The following LCA5 variants were observed in gnomAD, a reference collection of about 807,000 sequenced individuals.
LCA5 encodes lebercilin.
LCA5 carries 37 observed loss-of-function variants against 53.0 expected under a neutral mutation model. The observed-to-expected ratio is 0.70, with a 90% CI of 0.54 to 0.92. The LOEUF (loss-of-function observed/expected upper bound fraction) is 0.92. Among genes scored for constraint, LCA5 ranks in the 40% least tolerant of loss-of-function variants. The pLI, the probability that LCA5 is intolerant of heterozygous loss-of-function variation, is 0.00. For missense variants in LCA5, 806 were observed against 790.5 expected (o/e 1.02, Z -0.23); for synonymous variants, 303 against 282.9 (o/e 1.07, Z -0.71).
intron 2 of LCA5, among the ~76,000 whole-genome samples, chr6:79,517,272 CTGT>C (rs1019944813): frequency 6.6e-6 from 1 of 152,046 alleles, no homozygotes; most frequent in African/African-American, 2.4e-5. Flanking sequence ...GATGCTGGAA[CTGT>C]TTTTCACAGC....
At chr6:79,498,693 A>T (rs1008636687) in intron 3 of LCA5, among the ~76,000 whole-genome samples, 6 of 152,216 alleles carry the variant, frequency 3.9e-5, no homozygotes, top group Admixed American at 2.0e-4. Flanking sequence ...AAAAAATACT[A>T]TTAAAATATT....
intron 3 of LCA5, among the ~76,000 whole-genome samples, chr6:79,506,701 C>G (rs1386043212): frequency 6.6e-6 from 1 of 152,100 alleles, no homozygotes; most frequent in African/African-American, 2.4e-5. Flanking sequence ...ATGTGAAAAC[C>G]CTTAAAGGTC....
chr6:79,493,780 CT>C, intron 3 of LCA5, 30 bp from the exon 4 acceptor site: 1 of 1,571,138 alleles, frequency 6.4e-7, no homozygotes, highest in Non-Finnish European at 8.7e-7. Flanking sequence ...AAAAGCAGTC[CT>C]TTAAAAAAAT....
At chr6:79,532,337 C>T (rs933739822) in intron 1 of LCA5, among the ~76,000 whole-genome samples, 1 of 152,138 alleles carries the variant, frequency 6.6e-6, no homozygotes, top group Non-Finnish European at 1.5e-5. Flanking sequence ...CCTTGCTTCA[C>T]GTCAGTTTTT....
chr6:79,492,624 T>C lies in LCA5; in HGVS notation c.882A>G (p.Ile294Met). The change falls in exon 5 of 8, where the codon ATA (isoleucine) becomes ATG (methionine). Residue 294 changes from isoleucine (I) to methionine (M), a missense_variant. Coordinates refer to ENST00000369846, the MANE Select transcript of LCA5 (RefSeq NM_001122769.3). ...KLKEKERELD[I>M]KNIYSNRLPK... Reference sequence around the variant, plus strand: ...GCAGACGATTAGAATATATATTTTTTATATCCAGTTCTCTCTCCTTTTCCT... The same window carrying C: ...GCAGACGATTAGAATATATATTTTTCATATCCAGTTCTCTCTCCTTTTCCT... 2 of 1,548,672 alleles carry C rather than the reference T, an allele frequency of 1.3e-6. 1 individual carries two copies. The highest frequency in any genetic ancestry group is 2.3e-5 in the South Asian group (2 of 86,702).
At chr6:79,510,487 TAGA>T (rs1212950981) in intron 3 of LCA5, among the ~76,000 whole-genome samples, 1 of 151,970 alleles carries the variant, frequency 6.6e-6, no homozygotes, top group Non-Finnish European at 1.5e-5. Context: ...GATGAAAAAA[TAGA>T]AGAAAGTCTT....
Position 79,513,602 on chromosome 6 carries a change from T to C in LCA5, c.330A>G (p.Leu110=). 6.2e-7 allele frequency: 1 copy of C among 1,613,950 alleles called. No individual in the cohort carries two copies. The highest frequency in any genetic ancestry group is 8.5e-7 in the Non-Finnish European group (1 of 1,179,878). Residue 110 remains leucine (L), a synonymous_variant, in exon 3 of 8, where the codon CTA becomes CTG. Coordinates refer to ENST00000369846, the MANE Select transcript of LCA5 (RefSeq NM_001122769.3). ...VTKRILSARL[L]KINELQNEVS... is the part of the protein sequence containing the mutation. ...CTTCATTCTGCAACTCATTGATTTTTAGCAGTCTTGCAGACAGAATCCGTT... is the reference window on the plus strand; with the variant it reads ...CTTCATTCTGCAACTCATTGATTTTCAGCAGTCTTGCAGACAGAATCCGTT...
rs1312692453 is a variant in LCA5 at position 79,487,135 on chromosome 6, C to A, written c.1963G>T (p.Glu655Ter). ...CTTCCTTCACTGAGGAAAAAGCCTT[C>A]ATCTTCATCATGTTCTTGATCTCTG... ...GSRDQEHDED[E>*]GFFLSEGRSF... Residue 655 changes from glutamate to a stop codon, truncating the protein, a stop_gained, in exon 8 of 8, where the codon GAA becomes TAA. Transcript: ENST00000369846. LOFTEE classifies it high-confidence loss of function. 6.2e-7 allele frequency: 1 copy of A among 1,613,792 alleles called. No homozygotes were observed. Among genetic ancestry groups the A allele is most frequent in the Non-Finnish European group, 8.5e-7 (1 of 1,179,896 alleles).
At chr6:79,536,069 A>G (rs1767107968) in intron 1 of LCA5, among the ~76,000 whole-genome samples, 1 of 152,254 alleles carries the variant, frequency 6.6e-6, no homozygotes, top group Admixed American at 6.5e-5. Flanking sequence ...TTTGATATTT[A>G]AAATGATACT....
chr6:79,530,161 A>T (rs1414575637), intron 1 of LCA5, among the ~76,000 whole-genome samples: 1 of 152,124 alleles, frequency 6.6e-6, no homozygotes, highest in Non-Finnish European at 1.5e-5. Flanking sequence ...TTTCTAACCC[A>T]GGTTTTGAGG....
Position 79,492,661 on chromosome 6 carries a change from C to T in LCA5, c.859-14G>A, listed in dbSNP as rs747055909. ...TCTCTCCTTTTCCTGAAAACAAACG[C>T]AATACAATTAAGGAAGTAGAGCCTC... On this transcript the variant is annotated splice_polypyrimidine_tract_variant and intron_variant, in intron 4 of 7. Coordinates refer to ENST00000369846, the MANE Select transcript of LCA5 (RefSeq NM_001122769.3). The T allele has an allele frequency of 1.5e-5, 20 of 1,325,074 alleles. No homozygotes were observed. The highest frequency in any genetic ancestry group is 1.8e-4 in the Middle Eastern group (1 of 5,504). The allele number at this position is 1,325,074 out of a possible 1,614,324, so 82.1% of individuals were successfully genotyped here.
At chr6:79,503,180 C>A (rs1000207512) in intron 3 of LCA5, among the ~76,000 whole-genome samples, 3 of 152,204 alleles carry the variant, frequency 2.0e-5, no homozygotes, top group Admixed American at 6.5e-5. Context: ...CTGCACCCGG[C>A]CATGACCTAT....
intron 3 of LCA5, among the ~76,000 whole-genome samples, chr6:79,495,579 G>A (rs947435149): frequency 1.3e-5 from 2 of 151,932 alleles, no homozygotes; most frequent in African/African-American, 2.4e-5. Flanking sequence ...GTGAAATCCC[G>A]TCTCTACTAA....
intron 7 of LCA5, chr6:79,488,486 C>T (rs1769738273): frequency 6.5e-6 from 1 of 153,514 alleles, no homozygotes; most frequent in African/African-American, 2.4e-5. Flanking sequence ...GATCTTGTAC[C>T]AGAGGGAAGA....
chr6:79,528,925 A>T (rs1346069989), intron 1 of LCA5, among the ~76,000 whole-genome samples: 1 of 152,206 alleles, frequency 6.6e-6, no homozygotes, highest in Non-Finnish European at 1.5e-5. Flanking sequence ...AACCATCATG[A>T]AAACTTTACA....
rs779230735 is a variant in LCA5 at position 79,513,268 on chromosome 6, C to G, written c.664G>C (p.Ala222Pro). The part of the protein sequence containing the change: ...ARHLPERDDL[A>P]KKLVSAELKL... ...AACTCTGCTGAAACTAGTTTCTTTG[C>G]CAAATCATCTCGTTCAGGTAGGTGT... Residue 222 changes from alanine to proline, a missense_variant, in exon 3 of 8, where the codon GCA becomes CCA. By Grantham distance (27) the Ala-to-Pro change is conservative. Transcript: ENST00000369846. The G allele has an allele frequency of 2.0e-5, 33 of 1,613,414 alleles. No homozygotes were observed. Among genetic ancestry groups the G allele is most frequent in the Non-Finnish European group, 2.7e-5 (32 of 1,179,742 alleles).
intron 3 of LCA5, among the ~76,000 whole-genome samples, chr6:79,502,008 A>C (rs2127673664): frequency 6.6e-6 from 1 of 152,224 alleles, no homozygotes; most frequent in African/African-American, 2.4e-5. Flanking sequence ...GAAGAAAGTA[A>C]GAATAGTTCT....
At chr6:79,491,786 G>A (rs1169451674) in intron 5 of LCA5, 56 bp from the exon 6 acceptor site, 7 of 1,486,680 alleles carry the variant, frequency 4.7e-6, no homozygotes, top group Admixed American at 1.7e-5. Flanking sequence ...TAAAATATAT[G>A]GAATTCAGCT....
At chr6:79,507,618 C>A (rs113863497) in intron 3 of LCA5, among the ~76,000 whole-genome samples, 1 of 152,068 alleles carries the variant, frequency 6.6e-6, no homozygotes, top group Non-Finnish European at 1.5e-5. Context: ...TGATCCTGTA[C>A]GGCAGACACA....
Sources: allele counts gnomAD v4.1 joint callset (sites outside exome capture counted in the v4.1 genomes callset), GRCh38; gene constraint gnomAD v4.1.1; transcripts MANE v1.5; gene names NCBI Gene and HGNC (gene_info 2026-07-23, HGNC 2026-07-21).